SHTN1: variants seen among roughly 807,000 people sequenced by gnomAD.
SHTN1 encodes the protein shootin-1.
SHTN1 carries 42 observed loss-of-function variants against 83.1 expected under a neutral mutation model. That is an observed-to-expected ratio of 0.51 (90% CI 0.39 to 0.65). The LOEUF is 0.65. SHTN1 is among the 30% of genes least tolerant of loss of function. The pLI is 0.00. For synonymous variants in SHTN1, 224 were observed against 247.7 expected (o/e 0.90, Z 0.90); for missense variants, 622 against 737.8 (o/e 0.84, Z 1.82).
At chr10:116,898,405 A>G (rs956302134) in intron 16 of SHTN1, among the ~76,000 whole-genome samples, 1 of 152,072 alleles carries the variant, frequency 6.6e-6, no homozygotes, top group Admixed American at 6.5e-5. Context: ...AGTGAATAAA[A>G]TATCTTACTA....
At chr10:117,018,467 A>C (rs1852212568) in intron 2 of SHTN1, among the ~76,000 whole-genome samples, 1 of 151,712 alleles carries the variant, frequency 6.6e-6, no homozygotes, top group African/African-American at 2.4e-5. Context: ...AGTAGAAGGG[A>C]ATCTACTCAA....
intron 1 of SHTN1, among the ~76,000 whole-genome samples, chr10:117,092,861 C>A (rs17095668): frequency 0.016 from 2,508 of 152,210 alleles, 59 homozygotes; most frequent in East Asian, 0.12. Flanking sequence ...ATATGTAATA[C>A]TTTCTTCAGC....
intron 1 of SHTN1, among the ~76,000 whole-genome samples, chr10:117,111,334 C>A (rs983720265): frequency 8.5e-5 from 13 of 152,118 alleles, no homozygotes; most frequent in Middle Eastern, 3.4e-3. Context: ...CGTTCTGTTG[C>A]CCAGGCTGGA....
At chr10:117,005,270 G>C, upstream of SHTN1, 1 of 1,440,836 alleles carries the variant, frequency 6.9e-7, no homozygotes. Flanking sequence ...CTCGGCGGCT[G>C]CGGCCGCTTC....
At chr10:116,924,605 G>A (rs948075288) in intron 11 of SHTN1, among the ~76,000 whole-genome samples, 1 of 152,082 alleles carries the variant, frequency 6.6e-6, no homozygotes, top group Non-Finnish European at 1.5e-5. Flanking sequence ...CAGGCCAGAG[G>A]AGATTAGGTC....
chr10:117,057,903 A>G (rs1293089188), intron 1 of SHTN1, among the ~76,000 whole-genome samples: 1 of 152,208 alleles, frequency 6.6e-6, no homozygotes, highest in Non-Finnish European at 1.5e-5. Context: ...TGACCCACTC[A>G]AGGGAGCTAA....
At chr10:117,088,483 A>G (rs1853382879) in intron 1 of SHTN1, among the ~76,000 whole-genome samples, 1 of 152,228 alleles carries the variant, frequency 6.6e-6, no homozygotes, top group Non-Finnish European at 1.5e-5. Context: ...AGAAATAAGC[A>G]TGAAAATATC....
chr10:116,995,078 C>T (rs1457744397), intron 1 of SHTN1, among the ~76,000 whole-genome samples: 1 of 152,134 alleles, frequency 6.6e-6, no homozygotes. Flanking sequence ...TCCTTGTCAA[C>T]TGCATTATTA....
At chr10:117,022,534 A>G (rs764854038) in intron 2 of SHTN1, among the ~76,000 whole-genome samples, 9 of 152,222 alleles carry the variant, frequency 5.9e-5, no homozygotes, top group Admixed American at 3.9e-4. Context: ...CATGAAAAAA[A>G]AAATACACAC....
chr10:117,072,781 T>C (rs1490949954), intron 1 of SHTN1, among the ~76,000 whole-genome samples: 6 of 152,140 alleles, frequency 3.9e-5, no homozygotes, highest in Non-Finnish European at 8.8e-5. Context: ...AAACCAACTC[T>C]GGTAATATGA....
At chr10:117,064,527 C>A (rs141314371) in intron 1 of SHTN1, among the ~76,000 whole-genome samples, 3,362 of 151,936 alleles carry the variant, frequency 0.022, 119 homozygotes, top group African/African-American at 0.076. Flanking sequence ...TGGTGGTGGG[C>A]GCCTGTAATC....
chr10:116,979,202 C>T lies in SHTN1; in HGVS notation c.111+54G>A, dbSNP rs1850923692. ...ATTGGTGACTGAACAATGCACTATG[C>T]CGCCTAGGCTTTTACACATGTAAGA... On this transcript the variant is annotated intron_variant, in intron 2 of 16. Coordinates refer to ENST00000355371, the MANE Select transcript of SHTN1 (RefSeq NM_001127211.3). 4.1e-6 allele frequency: 6 copies of T among 1,447,836 alleles called. No individual in the cohort carries two copies. In the South Asian group the frequency reaches 5.7e-5, roughly 14 times the overall value. The allele number at this position is 1,447,836 out of a possible 1,614,324, so 89.7% of individuals were successfully genotyped here. A position where few individuals can be genotyped will look rare whatever the true frequency, so the allele number is the denominator to read the frequency against.
At chr10:117,097,030 G>GACACACACACACACACACAC (rs5788209) in intron 1 of SHTN1, among the ~76,000 whole-genome samples, 2 of 148,950 alleles carry the variant, frequency 1.3e-5, no homozygotes, top group Non-Finnish European at 3.0e-5. Context: ...CACACACATA[G>GACACACACACACACACACAC]ACACACACAC....
At chr10:116,974,398 G>C (rs904558700) in intron 2 of SHTN1, among the ~76,000 whole-genome samples, 89 of 152,034 alleles carry the variant, frequency 5.9e-4, no homozygotes, top group Non-Finnish European at 3.7e-4. Flanking sequence ...CTTCTTTATT[G>C]ATTTTTTTAA....
At chr10:116,931,213 T>C (rs553494872) in intron 9 of SHTN1, among the ~76,000 whole-genome samples, 6 of 152,072 alleles carry the variant, frequency 3.9e-5, no homozygotes, top group Admixed American at 6.5e-5. Flanking sequence ...CTCTGAAATA[T>C]ATTCACTGAA....
At chr10:117,091,893 T>A (rs559244390) in intron 1 of SHTN1, among the ~76,000 whole-genome samples, 1 of 152,174 alleles carries the variant, frequency 6.6e-6, no homozygotes, top group Non-Finnish European at 1.5e-5. Context: ...TGATCTCTTT[T>A]CCATGCCTGT....
At chr10:117,087,086 C>T (rs1475036957) in intron 1 of SHTN1, among the ~76,000 whole-genome samples, 3 of 151,978 alleles carry the variant, frequency 2.0e-5, no homozygotes, top group East Asian at 3.9e-4. Flanking sequence ...TTAGAGGTTA[C>T]CAAGGTTACC....
At chr10:116,971,890 G>A (rs1443182384) in intron 2 of SHTN1, among the ~76,000 whole-genome samples, 2 of 152,084 alleles carry the variant, frequency 1.3e-5, no homozygotes, top group African/African-American at 2.4e-5. Context: ...TTCAATTCTC[G>A]CTTCAGTCAA....
At chr10:117,059,453 A>C (rs7094514) in intron 1 of SHTN1, among the ~76,000 whole-genome samples, 99,313 of 152,084 alleles carry the variant, frequency 0.65, 36,171 homozygotes, top group Middle Eastern at 0.84. Flanking sequence ...TGTAATAGCC[A>C]AAAACCGAAA....
Sources: allele counts gnomAD v4.1 joint callset (sites outside exome capture counted in the v4.1 genomes callset), GRCh38; gene constraint gnomAD v4.1.1; transcripts MANE v1.5; gene names NCBI Gene and HGNC (gene_info 2026-07-23, HGNC 2026-07-21).